Variants in ABHD17C observed in about 807,000 individuals in gnomAD.
ABHD17C encodes abhydrolase domain containing 17C, depalmitoylase, also known as alpha/beta hydrolase domain-containing protein 17C.
A neutral mutation model predicts 27.9 loss-of-function variants in ABHD17C; 11 were observed. The observed-to-expected ratio is 0.39, with a 90% CI of 0.25 to 0.65. The LOEUF (loss-of-function observed/expected upper bound fraction) is 0.65, where lower values mean the gene tolerates loss of function less well. Among genes scored for constraint, ABHD17C ranks in the 30% least tolerant of loss-of-function variants. The pLI is 0.45. For missense variants in ABHD17C, 280 were observed against 470.2 expected, an observed-to-expected ratio of 0.60 and a Z score of 3.74; for synonymous variants, 233 against 209.1, an observed-to-expected ratio of 1.11 and a Z score of -0.98.
At position 80,719,541 on chromosome 15, in the gene ABHD17C, T is replaced by C. The variant is rs1894860703; in HGVS notation, c.590+23522T>C. On this transcript the variant is annotated intron_variant, in intron 1 of 2. Transcript: ENST00000258884. ...ACAAGTGACTTTCCATTGATTTCTA[T>C]CATTTGAATTTATAAGTTTAAAAAA... 2.6e-5 allele frequency among the ~76,000 whole-genome samples: 4 copies of C among 152,228 alleles called. No individual in the cohort carries two copies. The South Asian group carries it at 8.3e-4, about 32-fold the overall frequency.
At chr15:80,748,992 C>T (rs1357891924) in intron 1 of ABHD17C, among the ~76,000 whole-genome samples, 2 of 151,940 alleles carry the variant, frequency 1.3e-5, no homozygotes, top group African/African-American at 4.8e-5. Flanking sequence ...GGGTTTAACC[C>T]TGAGGGAGAC....
intron 1 of ABHD17C, among the ~76,000 whole-genome samples, chr15:80,706,460 C>G (rs916456946): frequency 6.6e-6 from 1 of 152,098 alleles, no homozygotes; most frequent in African/African-American, 2.4e-5. Context: ...GAAAAACGAG[C>G]GTAGAGAACC....
chr15:80,733,986 TATTTA>T (rs1567036610), intron 1 of ABHD17C, among the ~76,000 whole-genome samples: 1 of 151,010 alleles, frequency 6.6e-6, no homozygotes, highest in African/African-American at 2.4e-5. Context: ...TTTATTTATT[TATTTA>T]TTTATTTTTT....
At chr15:80,728,076 C>A in intron 1 of ABHD17C, among the ~76,000 whole-genome samples, 1 of 152,164 alleles carries the variant, frequency 6.6e-6, no homozygotes, top group East Asian at 1.9e-4. Flanking sequence ...CTGGCAGGAA[C>A]CTTAGTTTCC....
intron 1 of ABHD17C, among the ~76,000 whole-genome samples, chr15:80,728,533 T>A (rs1895014459): frequency 6.6e-6 from 1 of 152,160 alleles, no homozygotes; most frequent in Non-Finnish European, 1.5e-5. Context: ...AGATAGGAGA[T>A]CTAAAGGCAG....
At chr15:80,716,458 AAAGT>A (rs1894804744) in intron 1 of ABHD17C, among the ~76,000 whole-genome samples, 1 of 152,180 alleles carries the variant, frequency 6.6e-6, no homozygotes, top group Non-Finnish European at 1.5e-5. Flanking sequence ...CAATTTCTAC[AAAGT>A]AAGAAGTTCC....
At chr15:80,747,912 A>G (rs1362528075) in intron 1 of ABHD17C, among the ~76,000 whole-genome samples, 1 of 151,726 alleles carries the variant, frequency 6.6e-6, no homozygotes, top group African/African-American at 2.4e-5. Flanking sequence ...ACCCTTGGAC[A>G]CTCCAGTGGC....
rs74027898 is a variant in ABHD17C at position 80,723,842 on chromosome 15, C to T, written c.591-25671C>T. Among the ~76,000 whole-genome samples the T allele has an allele frequency of 3.1e-3, 473 of 152,250 alleles. 1 individual carries two copies. Among genetic ancestry groups the T allele is most frequent in the Middle Eastern group, 0.014 (4 of 294 alleles). The stretch of plus-strand genomic sequence containing the variant: ...ATCATCCTGCTGCAGCTGAGGTGAA[C>T]GGGGTGCTTGCATTTGCCTGTCAGT... On this transcript the variant is annotated intron_variant, in intron 1 of 2. Coordinates refer to ENST00000258884, the MANE Select transcript of ABHD17C (RefSeq NM_021214.2).
At chr15:80,697,423 G>A (rs1337473802) in intron 1 of ABHD17C, among the ~76,000 whole-genome samples, 1 of 152,198 alleles carries the variant, frequency 6.6e-6, no homozygotes, top group African/African-American at 2.4e-5. Context: ...TTAAAAATAA[G>A]GTTGGCATTA....
At chr15:80,716,497 C>G (rs1458385605) in intron 1 of ABHD17C, among the ~76,000 whole-genome samples, 9 of 152,140 alleles carry the variant, frequency 5.9e-5, no homozygotes, top group African/African-American at 2.2e-4. Flanking sequence ...TGAGGGGGCC[C>G]TGGCAATAGA....
intron 2 of ABHD17C, 35 bp from the exon 3 acceptor site, chr15:80,754,116 G>A (rs1238411459): frequency 1.3e-6 from 2 of 1,509,892 alleles, no homozygotes; most frequent in Non-Finnish European, 1.8e-6. Context: ...AACTAATGGA[G>A]TCCTCTTTCT....
At chr15:80,696,505 C>T (rs1002201653) in intron 1 of ABHD17C, among the ~76,000 whole-genome samples, 3 of 152,134 alleles carry the variant, frequency 2.0e-5, no homozygotes, top group Admixed American at 6.5e-5. Flanking sequence ...TTGTAAAGTG[C>T]GGGCAGGACA....
chr15:80,726,515 T>G (rs1368706538), intron 1 of ABHD17C, among the ~76,000 whole-genome samples: 2 of 139,798 alleles, frequency 1.4e-5, no homozygotes, highest in Non-Finnish European at 1.5e-5. Context: ...TTTTTTTTTT[T>G]TTTTTTTTTT....
At chr15:80,736,464 C>T (rs1316169860) in intron 1 of ABHD17C, among the ~76,000 whole-genome samples, 1 of 152,178 alleles carries the variant, frequency 6.6e-6, no homozygotes, top group African/African-American at 2.4e-5. Context: ...CTGGCTGGTC[C>T]TATTTACACA....
In ABHD17C at chr15:80,754,296, A is replaced by G; in HGVS notation, c.916A>G (p.Asn306Asp). 6.2e-7 allele frequency: 1 copy of G among 1,613,982 alleles called. No homozygotes were observed. The highest frequency in any genetic ancestry group is 1.1e-5 in the South Asian group (1 of 91,086). ...CCTTTGGGTTGAAGGGGCTGGGCATAATGACATAGAGCTTTATGCACAATA... is the reference window on the plus strand; with the variant it reads ...CCTTTGGGTTGAAGGGGCTGGGCATGATGACATAGAGCTTTATGCACAATA... ...EPLWVEGAGHNDIELYAQYLE... is the reference protein window; with the variant it reads ...EPLWVEGAGHDDIELYAQYLE... Residue 306 changes from asparagine to aspartate, a missense_variant, in exon 3 of 3, where the codon AAT becomes GAT. Coordinates refer to ENST00000258884, the MANE Select transcript of ABHD17C (RefSeq NM_021214.2).
At chr15:80,709,808 A>G (rs1894705996) in intron 1 of ABHD17C, among the ~76,000 whole-genome samples, 1 of 152,084 alleles carries the variant, frequency 6.6e-6, no homozygotes, top group African/African-American at 2.4e-5. Context: ...AGGATTTTGA[A>G]TTCTGAAATA....
At chr15:80,720,470 C>T (rs1894879474) in intron 1 of ABHD17C, among the ~76,000 whole-genome samples, 1 of 152,102 alleles carries the variant, frequency 6.6e-6, no homozygotes, top group African/African-American at 2.4e-5. Context: ...AGGCATTGTC[C>T]TGTAGGCACC....
chr15:80,696,296 G>A (rs1295435543), intron 1 of ABHD17C, among the ~76,000 whole-genome samples: 1 of 152,252 alleles, frequency 6.6e-6, no homozygotes, highest in Non-Finnish European at 1.5e-5. Flanking sequence ...CGGCCCACCG[G>A]CTGGGTCTTT....
chr15:80,737,089 A>G (rs923053810), intron 1 of ABHD17C, among the ~76,000 whole-genome samples: 21 of 152,100 alleles, frequency 1.4e-4, no homozygotes, highest in African/African-American at 4.8e-4. Flanking sequence ...ACCTGTACTC[A>G]GCATAGCCTG....
Sources: gnomAD v4.1 joint callset for allele counts (sites outside exome capture counted in the v4.1 genomes callset) on GRCh38, gnomAD v4.1.1 for gene constraint, MANE v1.5 for transcripts, NCBI Gene and HGNC (gene_info 2026-07-23, HGNC 2026-07-21) for gene names.